Variants in ZDHHC7 observed in about 807,000 individuals in gnomAD.
ZDHHC7 encodes palmitoyltransferase ZDHHC7.
In ZDHHC7, 12 loss-of-function variants were observed where a neutral mutation model predicts 34.1. The observed-to-expected ratio is 0.35, with a 90% CI of 0.23 to 0.57. The LOEUF (loss-of-function observed/expected upper bound fraction) is 0.57, where lower values mean the gene tolerates loss of function less well. Among genes scored for constraint, ZDHHC7 ranks in the 20% least tolerant of loss-of-function variants. The pLI is 0.84. For synonymous variants in ZDHHC7, 185 were observed against 155.4 expected, an observed-to-expected ratio of 1.19 and a Z score of -1.42; for missense variants, 388 against 402.7, an observed-to-expected ratio of 0.96 and a Z score of 0.31.
At chr16:85,019,135 A>G in the ZDHHC7 span, among the ~76,000 whole-genome samples, 167 of 152,184 alleles carry the variant, frequency 1.1e-3, no homozygotes, top group African/African-American at 3.8e-3. Flanking sequence ...TTGACTCAGA[A>G]AGTGTTTTCC....
chr16:84,984,374 G>C (rs759818331), intron 3 of ZDHHC7, among the ~76,000 whole-genome samples: 3 of 152,094 alleles, frequency 2.0e-5, no homozygotes, highest in Admixed American at 6.5e-5. Context: ...ACACTGCTTT[G>C]ATTTATAAAA....
At chr16:84,989,748 T>C (rs1664138225) in intron 3 of ZDHHC7, among the ~76,000 whole-genome samples, 2 of 151,502 alleles carry the variant, frequency 1.3e-5, no homozygotes, top group East Asian at 1.9e-4. Flanking sequence ...GTACCTTCTT[T>C]AGAGAAAGCT....
chr16:84,990,481 G>A lies in ZDHHC7; in HGVS notation c.138C>T (p.Cys46=), dbSNP rs1416905849. 12 of 1,614,014 alleles carry A rather than the reference G, an allele frequency of 7.4e-6. No homozygotes were observed. The highest frequency in any genetic ancestry group is 3.3e-5 in the Admixed American group (2 of 59,992). ...ADRVWFIRDG[C]GMICAVMTWL... ...ACGTCATGACAGCACAGATCATGCC[G>A]CAGCCGTCACGGATGAACCAGACCC... The change falls in exon 3 of 8, where the codon TGC becomes TGT. Residue 46 remains cysteine (C), a synonymous_variant. Transcript: ENST00000313732.
In ZDHHC7 at chr16:84,990,369, C is replaced by T; in HGVS notation, c.250G>A (p.Val84Ile). ...AGCACGGCCAAGCAGTTAAAGATGA[C>T]CCCGTTGACCACAGAGTACCAGAAG... Reference protein sequence around the residue: ...KDFWYSVVNGVIFNCLAVLAL... With the variant: ...KDFWYSVVNGIIFNCLAVLAL... Residue 84 changes from valine (V) to isoleucine (I), a missense_variant, in exon 3 of 8, where the codon GTC (valine) becomes ATC (isoleucine). Coordinates refer to ENST00000313732, the MANE Select transcript of ZDHHC7 (RefSeq NM_017740.3). 6.2e-7 allele frequency: 1 copy of T among 1,614,126 alleles called. No homozygotes were observed. Among genetic ancestry groups the T allele is most frequent in the South Asian group, 1.1e-5 (1 of 91,088 alleles).
chr16:85,021,792 A>C, the ZDHHC7 span, among the ~76,000 whole-genome samples: 1 of 150,474 alleles, frequency 6.6e-6, no homozygotes, highest in South Asian at 2.1e-4. Flanking sequence ...GAGAGAGAGA[A>C]GAGGGGAGGG....
At chr16:85,017,071 G>T in the ZDHHC7 span, among the ~76,000 whole-genome samples, 1 of 151,904 alleles carries the variant, frequency 6.6e-6, no homozygotes, top group African/African-American at 2.4e-5. Flanking sequence ...CCTCCCAAGT[G>T]CTGGGATTAC....
At chr16:85,008,880 T>C (rs2072752538) in intron 1 of ZDHHC7, among the ~76,000 whole-genome samples, 1 of 151,720 alleles carries the variant, frequency 6.6e-6, no homozygotes, top group African/African-American at 2.4e-5. Context: ...ATCCTGTCTC[T>C]ACTAAAAATA....
intron 5 of ZDHHC7, among the ~76,000 whole-genome samples, chr16:84,978,481 C>A (rs2072326603): frequency 6.6e-6 from 1 of 152,276 alleles, no homozygotes; most frequent in Middle Eastern, 3.4e-3. Flanking sequence ...CGCCTGTAAT[C>A]CCAGCACTTT....
chr16:84,974,991 A>C lies in ZDHHC7; in HGVS notation c.*1352T>G, dbSNP rs1046073011. 8.5e-5 allele frequency: 13 copies of C among 152,698 alleles called. No homozygotes were observed. The highest frequency in any genetic ancestry group is 1.6e-4 in the Non-Finnish European group (11 of 68,066). 9.5% of individuals were successfully genotyped at this position (152,698 alleles called of 1,614,324 possible). ...CCAACTTCTCTTAGTGTGGAGGGCA[A>C]GCATAAAGGAAGACCCTCAGACTTT... On this transcript the variant is annotated 3_prime_UTR_variant, in exon 8 of 8. Transcript: ENST00000313732.
chr16:85,003,452 C>T (rs941255501), intron 1 of ZDHHC7, among the ~76,000 whole-genome samples: 5 of 152,210 alleles, frequency 3.3e-5, no homozygotes, highest in African/African-American at 1.2e-4. Context: ...GAGCTGATGG[C>T]GACTGCGCTC....
the ZDHHC7 span, among the ~76,000 whole-genome samples, chr16:85,024,669 C>G: frequency 7.0e-6 from 1 of 143,072 alleles, no homozygotes. Flanking sequence ...CCCTGCCTAT[C>G]CAGAAACGAC....
At chr16:85,008,208 G>C (rs59138540) in intron 1 of ZDHHC7, among the ~76,000 whole-genome samples, 26,075 of 151,944 alleles carry the variant, frequency 0.17, 3,187 homozygotes, top group East Asian at 0.33. Flanking sequence ...TGTAGGGTGA[G>C]GGGGGAGCTC....
chr16:84,977,370 T>A (rs2072312016), intron 6 of ZDHHC7, 145 bp from the exon 7 acceptor site: 1 of 1,072,446 alleles, frequency 9.3e-7, no homozygotes, highest in East Asian at 2.5e-5. Context: ...ACATTCATTG[T>A]TCTCCAAGGA....
intron 3 of ZDHHC7, among the ~76,000 whole-genome samples, chr16:84,985,248 A>C (rs1566459): frequency 0.18 from 28,108 of 152,166 alleles, 2,787 homozygotes; most frequent in Admixed American, 0.29. Context: ...CCCTGATGAG[A>C]CAAAGCAGCC....
chr16:85,015,551 T>C (rs2072830717), upstream of ZDHHC7, among the ~76,000 whole-genome samples: 1 of 152,124 alleles, frequency 6.6e-6, no homozygotes, highest in African/African-American at 2.4e-5. Context: ...TCCAAATATG[T>C]CAAATAAATA....
intron 1 of ZDHHC7, among the ~76,000 whole-genome samples, chr16:85,009,344 G>A (rs75539872): frequency 0.013 from 1,940 of 152,082 alleles, 56 homozygotes; most frequent in African/African-American, 0.045. Context: ...GTTCATTTCA[G>A]TGCTTTCTTT....
intron 6 of ZDHHC7, among the ~76,000 whole-genome samples, chr16:84,977,528 C>T (rs528382296): frequency 5.3e-4 from 81 of 152,354 alleles, no homozygotes; most frequent in Middle Eastern, 3.4e-3. Flanking sequence ...GAGTTGTGTG[C>T]ACCCATACCA....
intron 1 of ZDHHC7, among the ~76,000 whole-genome samples, chr16:85,003,678 C>T (rs933701613): frequency 6.6e-6 from 1 of 152,124 alleles, no homozygotes; most frequent in Non-Finnish European, 1.5e-5. Context: ...GTAAGTCATA[C>T]GGTGAATAGT....
the ZDHHC7 span, among the ~76,000 whole-genome samples, chr16:85,027,026 T>C: frequency 2.3e-4 from 35 of 152,174 alleles, no homozygotes; most frequent in Admixed American, 1.7e-3. Context: ...TAAAAACTTT[T>C]TTTCTTTTAA....
Sources: allele counts gnomAD v4.1 joint callset (sites outside exome capture counted in the v4.1 genomes callset), GRCh38; gene constraint gnomAD v4.1.1; transcripts MANE v1.5; gene names NCBI Gene and HGNC (gene_info 2026-07-23, HGNC 2026-07-21).